RSPO2: variants seen among roughly 807,000 people sequenced by gnomAD.
The protein encoded by RSPO2 is R-spondin 2.
A neutral mutation model predicts 30.9 loss-of-function variants in RSPO2; 14 were observed. That is an observed-to-expected ratio of 0.45 (90% CI 0.30 to 0.71). RSPO2 has a LOEUF of 0.71. Among genes scored for constraint, RSPO2 ranks in the 30% least tolerant of loss-of-function variants. The pLI, the probability that RSPO2 is intolerant of heterozygous loss-of-function variation, is 0.08. For missense variants in RSPO2, 264 were observed against 301.9 expected, an observed-to-expected ratio of 0.87 and a Z score of 0.93; for synonymous variants, 107 against 96.4, an observed-to-expected ratio of 1.11 and a Z score of -0.64.
chr8:108,057,055 C>CAAAAA lies in RSPO2; in HGVS notation c.94+25485_94+25489dup, dbSNP rs56727719. ...CTGGCAACAGAGTGAGACTCTGTCT[C>CAAAAA]AAAAAAAAAAAAAAAAAAAAAAAAA... On this transcript the variant is annotated intron_variant, in intron 2 of 5. Coordinates refer to ENST00000276659, the MANE Select transcript of RSPO2 (RefSeq NM_178565.5). Among the ~76,000 whole-genome samples, 10 of 36,080 alleles carry CAAAAA rather than the reference C, an allele frequency of 2.8e-4. 2 individuals carry two copies. Among genetic ancestry groups the CAAAAA allele is most frequent in the African/African-American group, 3.8e-4 (4 of 10,504 alleles). 23.7% of individuals were successfully genotyped at this position (36,080 alleles called of 152,430 possible). A position where few individuals can be genotyped will look rare whatever the true frequency, so the allele number is the denominator to read the frequency against.
intron 2 of RSPO2, among the ~76,000 whole-genome samples, chr8:108,079,454 T>C (rs1813117648): frequency 6.6e-6 from 1 of 152,170 alleles, no homozygotes; most frequent in South Asian, 2.1e-4. Context: ...AAATACTATT[T>C]TCTCAATCGT....
At position 107,909,259 on chromosome 8, in the gene RSPO2, G is replaced by GTTTTT. The variant is rs11292252; in HGVS notation, c.617-8074_617-8070dup. Among the ~76,000 whole-genome samples the GTTTTT allele has an allele frequency of 4.7e-4, 43 of 91,586 alleles. 1 individual carries two copies. The highest frequency in any genetic ancestry group is 7.1e-4 in the South Asian group (2 of 2,806). 60.1% of individuals were successfully genotyped at this position (91,586 alleles called of 152,430 possible). ...TATTCTCTCATATACTTTCCCAGTT[G>GTTTTT]TTTTTTTTTTTTTTTTTTTTTGAGA... On this transcript the variant is annotated intron_variant, in intron 5 of 5. Coordinates refer to ENST00000276659, the MANE Select transcript of RSPO2 (RefSeq NM_178565.5).
intron 5 of RSPO2, among the ~76,000 whole-genome samples, chr8:107,935,784 G>A (rs929843991): frequency 9.3e-5 from 14 of 150,422 alleles, no homozygotes; most frequent in South Asian, 2.2e-4. Flanking sequence ...TTAAATAGCC[G>A]GAGGCATTTG....
chr8:107,957,052 G>C (rs955828805), intron 5 of RSPO2, among the ~76,000 whole-genome samples: 2 of 152,148 alleles, frequency 1.3e-5, no homozygotes, highest in Non-Finnish European at 2.9e-5. Flanking sequence ...AGTTCTCAAA[G>C]GCCGACTGGA....
rs149495885 is a variant in RSPO2 at position 108,058,215 on chromosome 8, C to A, written c.94+24330G>T. ...TTCTTATACACCAATAACAGACAAA[C>A]AGAGCCAAATCATGAGTGAACTCCC... is the stretch of plus-strand genomic sequence containing the variant. On this transcript the variant is annotated intron_variant, in intron 2 of 5. Transcript: ENST00000276659. 4.8e-3 allele frequency among the ~76,000 whole-genome samples: 723 copies of A among 152,114 alleles called. 9 individuals are homozygous for A. Among genetic ancestry groups the A allele is most frequent in the African/African-American group, 0.016 (665 of 41,522 alleles).
intron 5 of RSPO2, among the ~76,000 whole-genome samples, chr8:107,947,886 C>A (rs1028269460): frequency 6.6e-6 from 1 of 152,230 alleles, no homozygotes; most frequent in African/African-American, 2.4e-5. Flanking sequence ...TTCTGCGTTT[C>A]GGCCAGGTTC....
rs141023464 is a variant in RSPO2 at position 107,981,316 on chromosome 8, C to T, written c.283+7740G>A. ...GGGGGATTTCCTGAGCTTAGGAGTT[C>T]GAGACTGGCCTGGGCAACATGGCAA... On this transcript the variant is annotated intron_variant, in intron 3 of 5. Coordinates refer to ENST00000276659, the MANE Select transcript of RSPO2 (RefSeq NM_178565.5). 2.4e-4 allele frequency among the ~76,000 whole-genome samples: 37 copies of T among 152,036 alleles called. 1 individual carries two copies. Among genetic ancestry groups the T allele is most frequent in the African/African-American group, 8.9e-4 (37 of 41,440 alleles).
At chr8:108,043,369 G>A (rs1432322787) in intron 2 of RSPO2, among the ~76,000 whole-genome samples, 1 of 152,166 alleles carries the variant, frequency 6.6e-6, no homozygotes, top group Admixed American at 6.5e-5. Context: ...GCACTGGTCT[G>A]CCCATATAGA....
intron 2 of RSPO2, among the ~76,000 whole-genome samples, chr8:107,994,965 AAG>A (rs1402088346): frequency 1.3e-5 from 2 of 152,244 alleles, no homozygotes; most frequent in East Asian, 1.9e-4. Context: ...TTAGATCCAC[AAG>A]AGAGTCTTCC....
At chr8:107,957,771 C>T (rs1198055633) in intron 5 of RSPO2, among the ~76,000 whole-genome samples, 1 of 152,160 alleles carries the variant, frequency 6.6e-6, no homozygotes, top group Non-Finnish European at 1.5e-5. Context: ...TTCGTAAGAA[C>T]CCGCTTTTAT....
At chr8:108,027,774 C>T (rs547761087) in intron 2 of RSPO2, among the ~76,000 whole-genome samples, 2 of 152,074 alleles carry the variant, frequency 1.3e-5, no homozygotes, top group Non-Finnish European at 2.9e-5. Flanking sequence ...TTTTATTTCA[C>T]CCCTAATATG....
rs58330482 is a variant in RSPO2 at position 107,962,856 on chromosome 8, A to G, written c.284-2039T>C. The stretch of plus-strand genomic sequence containing the variant: ...ACACTTCATAAATCAGCTATCATCT[A>G]TGAGGTCTGACTTCTCTTTAAAATA... On this transcript the variant is annotated intron_variant, in intron 3 of 5. Transcript: ENST00000276659. Among the ~76,000 whole-genome samples, 894 of 152,310 alleles carry G rather than the reference A, an allele frequency of 5.9e-3. 10 individuals carry two copies. The highest frequency in any genetic ancestry group is 0.021 in the African/African-American group (858 of 41,568).
At chr8:108,037,611 A>G (rs1811636904) in intron 2 of RSPO2, among the ~76,000 whole-genome samples, 1 of 152,232 alleles carries the variant, frequency 6.6e-6, no homozygotes, top group Admixed American at 6.5e-5. Context: ...CTGGGAGAAG[A>G]TGCCACCCAG....
chr8:108,002,339 C>T (rs1815279239), intron 2 of RSPO2, among the ~76,000 whole-genome samples: 2 of 152,118 alleles, frequency 1.3e-5, no homozygotes, highest in African/African-American at 2.4e-5. Context: ...CAAACAGAGC[C>T]AGATTTTTGT....
At chr8:107,925,295 T>C (rs1191201078) in intron 5 of RSPO2, among the ~76,000 whole-genome samples, 2 of 151,686 alleles carry the variant, frequency 1.3e-5, no homozygotes, top group East Asian at 1.9e-4. Context: ...CCAAAAACTA[T>C]TGGAATAAGA....
intron 2 of RSPO2, among the ~76,000 whole-genome samples, chr8:108,053,404 A>G (rs530583006): frequency 6.6e-6 from 1 of 152,178 alleles, no homozygotes; most frequent in African/African-American, 2.4e-5. Flanking sequence ...CAACAGTTCA[A>G]TGTCAAACAA....
intron 2 of RSPO2, among the ~76,000 whole-genome samples, chr8:108,018,660 A>G (rs923324261): frequency 6.6e-6 from 1 of 152,228 alleles, no homozygotes; most frequent in Non-Finnish European, 1.5e-5. Flanking sequence ...TTAAATAGGA[A>G]CAGAAAAGCA....
intron 5 of RSPO2, among the ~76,000 whole-genome samples, chr8:107,926,937 T>G (rs1420204317): frequency 6.6e-6 from 1 of 152,152 alleles, no homozygotes; most frequent in African/African-American, 2.4e-5. Context: ...GTGAAGAAAG[T>G]CATTGGTAGC....
At chr8:107,975,414 G>A (rs1384153817) in intron 3 of RSPO2, among the ~76,000 whole-genome samples, 2 of 152,098 alleles carry the variant, frequency 1.3e-5, no homozygotes, top group African/African-American at 2.4e-5. Context: ...TATTATCTCC[G>A]CTACATACTA....
Sources: allele counts gnomAD v4.1 joint callset (sites outside exome capture counted in the v4.1 genomes callset), GRCh38; gene constraint gnomAD v4.1.1; transcripts MANE v1.5; gene names NCBI Gene and HGNC (gene_info 2026-07-23, HGNC 2026-07-21).